Variants in COL24A1 observed in about 807,000 individuals in gnomAD.
The protein encoded by COL24A1 is collagen alpha-1(XXIV) chain.
COL24A1 carries 224 observed loss-of-function variants against 253.9 expected under a neutral mutation model. That is an observed-to-expected ratio of 0.88 (90% CI 0.79 to 0.99). COL24A1 has a LOEUF of 0.99. COL24A1 is among the 50% of genes least tolerant of loss of function. The pLI, the probability that COL24A1 is intolerant of heterozygous loss-of-function variation, is 0.00. For synonymous variants in COL24A1, 685 were observed against 673.7 expected (o/e 1.02, Z -0.26); for missense variants, 2,131 against 2,068.5 (o/e 1.03, Z -0.59).
At chr1:85,794,985 C>T (rs1427670592) in intron 47 of COL24A1, among the ~76,000 whole-genome samples, 2 of 152,092 alleles carry the variant, frequency 1.3e-5, no homozygotes, top group East Asian at 1.9e-4. Context: ...CTTCCTAAGC[C>T]TTTGGACTCT....
At chr1:85,982,225 T>C (rs1248971855) in intron 20 of COL24A1, among the ~76,000 whole-genome samples, 3 of 151,914 alleles carry the variant, frequency 2.0e-5, no homozygotes, top group Non-Finnish European at 2.9e-5. Flanking sequence ...GCTAAACTCA[T>C]AGAAGCAAAA....
At chr1:86,021,161 A>G (rs1252750477) in intron 18 of COL24A1, among the ~76,000 whole-genome samples, 1 of 152,200 alleles carries the variant, frequency 6.6e-6, no homozygotes, top group Non-Finnish European at 1.5e-5. Flanking sequence ...AGGGAACACA[A>G]TGAACTGCTC....
At position 85,842,280 on chromosome 1, in the gene COL24A1, A is replaced by C. The variant is rs967771267; in HGVS notation, c.3516+60T>G. ...TTTCATCTTAATTTGAATATTTGGG[A>C]TATCATCTTTAATAAAAATGTTTTC... is the stretch of plus-strand genomic sequence containing the variant. On this transcript the variant is annotated intron_variant, in intron 40 of 59. Transcript: ENST00000370571. 14 of 1,372,144 alleles carry C rather than the reference A, an allele frequency of 1.0e-5. No homozygotes were observed. In the Admixed American group the frequency reaches 2.2e-4, roughly 22 times the overall value. 85.0% of individuals were successfully genotyped at this position (1,372,144 alleles called of 1,614,324 possible).
intron 28 of COL24A1, among the ~76,000 whole-genome samples, chr1:85,902,335 A>T (rs963064742): frequency 5.9e-5 from 9 of 152,186 alleles, no homozygotes; most frequent in African/African-American, 2.2e-4. Flanking sequence ...ACCTGAATAA[A>T]CACACTTTAA....
At chr1:85,840,776 T>C (rs1289572535) in intron 42 of COL24A1, among the ~76,000 whole-genome samples, 2 of 152,128 alleles carry the variant, frequency 1.3e-5, no homozygotes, top group Non-Finnish European at 2.9e-5. Flanking sequence ...GGTTATTGGT[T>C]CTAATAACTC....
chr1:85,823,758 C>T lies in COL24A1; in HGVS notation c.3682-20G>A, dbSNP rs199653960. 1,750 of 1,609,420 alleles carry T rather than the reference C, an allele frequency of 1.1e-3. 2 individuals carry two copies. Among genetic ancestry groups the T allele is most frequent in the Non-Finnish European group, 1.4e-3 (1,695 of 1,176,416 alleles). On this transcript the variant is annotated intron_variant, in intron 43 of 59. Coordinates refer to ENST00000370571, the MANE Select transcript of COL24A1 (RefSeq NM_152890.7). ...ATGGCCCTAGAAATAGAAAAGATTA[C>T]ATTATTAGAGTAAGTAGAGACATGT...
chr1:85,801,959 C>G (rs1398332400), intron 47 of COL24A1, among the ~76,000 whole-genome samples: 4 of 146,084 alleles, frequency 2.7e-5, no homozygotes, highest in African/African-American at 1.1e-4. Context: ...CTCTCTCCCT[C>G]ATGTCTCCCA....
At chr1:86,093,577 C>G (rs1355403566) in intron 5 of COL24A1, among the ~76,000 whole-genome samples, 1 of 151,808 alleles carries the variant, frequency 6.6e-6, no homozygotes, top group East Asian at 1.9e-4. Context: ...TACATAGGCA[C>G]AGGCAAAGAT....
chr1:86,011,450 G>C (rs1696473570), intron 19 of COL24A1, among the ~76,000 whole-genome samples: 3 of 152,092 alleles, frequency 2.0e-5, no homozygotes, highest in Admixed American at 2.0e-4. Context: ...TTTTCTGTCT[G>C]TGAGACTATC....
intron 37 of COL24A1, among the ~76,000 whole-genome samples, chr1:85,853,741 T>A (rs922952420): frequency 1.4e-4 from 22 of 152,236 alleles, no homozygotes; most frequent in Admixed American, 9.2e-4. Context: ...CATTTTTTCA[T>A]CTACTTGATG....
chr1:86,031,843 T>G, intron 14 of COL24A1, 35 bp downstream of exon 14: 1 of 1,556,478 alleles, frequency 6.4e-7, no homozygotes, highest in Non-Finnish European at 8.7e-7. Flanking sequence ...CAATAAAATA[T>G]TTTCTTAAGA....
intron 5 of COL24A1, among the ~76,000 whole-genome samples, chr1:86,104,399 T>A (rs746043160): frequency 1.5e-4 from 23 of 152,228 alleles, no homozygotes; most frequent in Non-Finnish European, 3.4e-4. Flanking sequence ...CTCAGCCCAG[T>A]TCAGAACCTT....
intron 43 of COL24A1, among the ~76,000 whole-genome samples, chr1:85,828,074 C>T (rs1297340501): frequency 6.6e-6 from 1 of 152,004 alleles, no homozygotes; most frequent in African/African-American, 2.4e-5. Flanking sequence ...TATAAATTTC[C>T]CTCTACACAC....
intron 47 of COL24A1, among the ~76,000 whole-genome samples, chr1:85,804,025 A>G (rs556747180): frequency 3.9e-5 from 6 of 152,338 alleles, no homozygotes; most frequent in African/African-American, 1.4e-4. Flanking sequence ...TGGAGAAAGC[A>G]TTGAAATAAT....
In COL24A1 at chr1:86,125,826, A is replaced by T. The variant is rs1572009609; in HGVS notation, c.510T>A (p.Ile170=). 1 of 1,613,362 alleles carries T rather than the reference A, an allele frequency of 6.2e-7. No individual in the cohort carries two copies. Among genetic ancestry groups the T allele is most frequent in the East Asian group, 2.2e-5 (1 of 44,838 alleles). The change falls in exon 3 of 60, where the codon ATT becomes ATA. Residue 170 remains isoleucine (I), a synonymous_variant. Coordinates refer to ENST00000370571, the MANE Select transcript of COL24A1 (RefSeq NM_152890.7). ...DEQWHSFAIT[I]RNQSVSMFVE... is the part of the protein sequence containing the mutation. ...CAAACATTGAGACACTTTGGTTTCT[A>T]ATAGTAATGGCAAATGAGTGCCATT...
At chr1:85,906,264 C>CTGTTTTTTTTTTTTTTTTTTT (rs1684807352) in intron 28 of COL24A1, among the ~76,000 whole-genome samples, 1 of 77,840 alleles carries the variant, frequency 1.3e-5, no homozygotes, top group African/African-American at 5.2e-5. Flanking sequence ...ACTGCAAGGT[C>CTGTTTTTTTTTTTTTTTTTTT]TTTTTTTTTT....
At chr1:86,108,943 C>T (rs1021714913) in intron 5 of COL24A1, among the ~76,000 whole-genome samples, 1 of 152,130 alleles carries the variant, frequency 6.6e-6, no homozygotes, top group African/African-American at 2.4e-5. Context: ...GTGGTTTCTG[C>T]CTTTTTAATG....
intron 5 of COL24A1, among the ~76,000 whole-genome samples, chr1:86,111,301 G>A (rs1482656084): frequency 6.6e-6 from 1 of 152,062 alleles, no homozygotes; most frequent in African/African-American, 2.4e-5. Flanking sequence ...GATTGTAAAT[G>A]CACCAATCAG....
Position 85,784,319 on chromosome 1 carries a change from A to C in COL24A1, c.4107T>G (p.Gly1369=). 6.2e-7 allele frequency: 1 copy of C among 1,613,980 alleles called. No individual in the cohort carries two copies. Among genetic ancestry groups the C allele is most frequent in the Non-Finnish European group, 8.5e-7 (1 of 1,179,946 alleles). Residue 1369 remains glycine (G), a synonymous_variant, in exon 49 of 60, where the codon GGT becomes GGG. Coordinates refer to ENST00000370571, the MANE Select transcript of COL24A1 (RefSeq NM_152890.7). ...CTTGATCACCTTGTGCTCCTCGGTG[A>C]CCTCTTTTACCTTGAATTCCAGGTT... ...PGQPGIQGKR[G]HRGAQGDQGP... is the part of the protein sequence containing the mutation.
Sources: gnomAD v4.1 joint callset for allele counts (sites outside exome capture counted in the v4.1 genomes callset) on GRCh38, gnomAD v4.1.1 for gene constraint, MANE v1.5 for transcripts, NCBI Gene and HGNC (gene_info 2026-07-23, HGNC 2026-07-21) for gene names.